PARD3B: variants seen among roughly 807,000 people sequenced by gnomAD.
The protein encoded by PARD3B is partitioning defective 3 homolog B.
PARD3B carries 103 observed loss-of-function variants against 130.2 expected under a neutral mutation model. The observed-to-expected ratio is 0.79, with a 90% CI of 0.67 to 0.93. PARD3B has a LOEUF of 0.93. Ranked by LOEUF, PARD3B falls within the 40% of genes least tolerant of loss-of-function variation. The pLI is 0.00. For missense variants in PARD3B, 1,609 were observed against 1,499.2 expected (o/e 1.07, Z -1.21); for synonymous variants, 583 against 553.2 (o/e 1.05, Z -0.76).
At chr2:204,628,720 A>G (rs971657935) in intron 1 of PARD3B, among the ~76,000 whole-genome samples, 1 of 152,164 alleles carries the variant, frequency 6.6e-6, no homozygotes, top group African/African-American at 2.4e-5. Flanking sequence ...TTTTTAGGCT[A>G]CTAAGATCAT....
At chr2:204,658,362 T>C (rs2125179030) in intron 1 of PARD3B, among the ~76,000 whole-genome samples, 1 of 152,268 alleles carries the variant, frequency 6.6e-6, no homozygotes, top group Middle Eastern at 3.4e-3. Flanking sequence ...CTTTTCACCT[T>C]ATTGGATTCT....
intron 2 of PARD3B, among the ~76,000 whole-genome samples, chr2:204,710,195 A>G (rs1331419606): frequency 6.6e-6 from 1 of 152,184 alleles, no homozygotes; most frequent in East Asian, 1.9e-4. Flanking sequence ...TATATTTGGG[A>G]AGACATTGTC....
chr2:204,586,474 C>T (rs1198710169), intron 1 of PARD3B, among the ~76,000 whole-genome samples: 8 of 152,140 alleles, frequency 5.3e-5, no homozygotes, highest in Non-Finnish European at 1.0e-4. Flanking sequence ...TAAATGTTGC[C>T]GAAGGCTACC....
At chr2:204,830,791 C>A (rs1291436829) in intron 2 of PARD3B, among the ~76,000 whole-genome samples, 2 of 152,142 alleles carry the variant, frequency 1.3e-5, no homozygotes, top group African/African-American at 4.8e-5. Flanking sequence ...GAATAGAAGA[C>A]CATGGGTACT....
chr2:205,173,605 C>T (rs181799674), intron 12 of PARD3B, among the ~76,000 whole-genome samples: 23 of 152,236 alleles, frequency 1.5e-4, no homozygotes, highest in African/African-American at 4.6e-4. Context: ...TTATCAGCTA[C>T]GGGCAAGGAG....
Position 204,545,912 on chromosome 2 carries a change from C to CA in PARD3B, c.-88_-87insA. On this transcript the variant is annotated 5_prime_UTR_variant, in exon 1 of 23. Transcript: ENST00000406610. ...GGCGCCCCGGGTCTCTGGGCCCACC[C>CA]GCCCCGGGCGTCCTCCGAGAGTGGG... 1 of 1,392,850 alleles carries CA rather than the reference C, an allele frequency of 7.2e-7. No homozygotes were observed. Among genetic ancestry groups the CA allele is most frequent in the Non-Finnish European group, 9.4e-7 (1 of 1,068,452 alleles). The allele number at this position is 1,392,850 out of a possible 1,614,324, so 86.3% of individuals were successfully genotyped here.
chr2:205,210,452 A>G (rs2037567506), intron 15 of PARD3B, among the ~76,000 whole-genome samples: 1 of 152,150 alleles, frequency 6.6e-6, no homozygotes, highest in South Asian at 2.1e-4. Context: ...GAATAAATGT[A>G]GCGTGATTCA....
Position 205,078,149 on chromosome 2 carries a change from T to C in PARD3B, c.505-26277T>C, listed in dbSNP as rs1701189346. ...TATGTAATTAAGAGTGAGATATAGT[T>C]TATTTATGAAAAGGTGCTTTTGTGT... is the stretch of plus-strand genomic sequence containing the variant. On this transcript the variant is annotated intron_variant, in intron 4 of 22. Coordinates refer to ENST00000406610, the MANE Select transcript of PARD3B (RefSeq NM_001302769.2). This position sits in a 1 kb window ranked among gnomAD's most constrained non-coding sequence, Gnocchi z 4.0. 1.3e-5 allele frequency among the ~76,000 whole-genome samples: 2 copies of C among 152,172 alleles called. No homozygotes were observed. The highest frequency in any genetic ancestry group is 3.9e-4 in the East Asian group (2 of 5,192).
rs189448601 is a variant in PARD3B at position 205,406,713 on chromosome 2, C to T, written c.2741+5590C>T. ...TAAAGACAGAGTCTCACTCTGTCAC[C>T]AGGCTAGAGTGCAGTGGCATGATCT... is the stretch of plus-strand genomic sequence containing the variant. On this transcript the variant is annotated intron_variant, in intron 19 of 22. Coordinates refer to ENST00000406610, the MANE Select transcript of PARD3B (RefSeq NM_001302769.2). 9.6e-3 allele frequency among the ~76,000 whole-genome samples: 1,342 copies of T among 140,164 alleles called. 17 individuals carry two copies. The highest frequency in any genetic ancestry group is 0.013 in the Non-Finnish European group (832 of 66,430). 92.0% of individuals were successfully genotyped at this position (140,164 alleles called of 152,430 possible).
intron 11 of PARD3B, among the ~76,000 whole-genome samples, chr2:205,169,596 G>T (rs17188611): frequency 0.17 from 25,636 of 151,976 alleles, 2,297 homozygotes; most frequent in Middle Eastern, 0.23. Flanking sequence ...CATCTCTAGA[G>T]GTTCCCATAA....
At chr2:205,496,157 A>T (rs1303485658) in intron 20 of PARD3B, among the ~76,000 whole-genome samples, 1 of 152,214 alleles carries the variant, frequency 6.6e-6, no homozygotes, top group South Asian at 2.1e-4. Flanking sequence ...ACAAAGGTGT[A>T]TGTCCCTCTA....
chr2:204,976,425 G>C (rs1044623233), intron 3 of PARD3B, among the ~76,000 whole-genome samples: 3 of 151,904 alleles, frequency 2.0e-5, no homozygotes, highest in African/African-American at 7.3e-5. Context: ...TGACCTAATT[G>C]GATAGTCGCA....
At chr2:205,378,431 CAAGT>C (rs2045159259) in intron 18 of PARD3B, among the ~76,000 whole-genome samples, 1 of 152,056 alleles carries the variant, frequency 6.6e-6, no homozygotes, top group Non-Finnish European at 1.5e-5. Context: ...AAGAAAGTTT[CAAGT>C]AAGTGTCATT....
At chr2:205,084,376 A>G (rs1701617298) in intron 4 of PARD3B, among the ~76,000 whole-genome samples, 1 of 152,084 alleles carries the variant, frequency 6.6e-6, no homozygotes, top group Non-Finnish European at 1.5e-5. Flanking sequence ...TAATTCTTTC[A>G]GCAAGAATAT....
At chr2:204,574,704 C>T (rs1002510885) in intron 1 of PARD3B, among the ~76,000 whole-genome samples, 14 of 152,326 alleles carry the variant, frequency 9.2e-5, no homozygotes, top group East Asian at 3.9e-4. Context: ...AATGAGGTCA[C>T]ATTTCTGAAC....
At chr2:205,221,633 G>A (rs183137494) in intron 15 of PARD3B, among the ~76,000 whole-genome samples, 1 of 152,070 alleles carries the variant, frequency 6.6e-6, no homozygotes, top group East Asian at 1.9e-4. Flanking sequence ...TTTCAATCAC[G>A]AGGCCACACA....
intron 2 of PARD3B, among the ~76,000 whole-genome samples, chr2:204,741,506 C>A (rs1349890412): frequency 6.6e-6 from 1 of 152,080 alleles, no homozygotes; most frequent in Non-Finnish European, 1.5e-5. Flanking sequence ...GTTCATAATT[C>A]AGTATTTCCT....
At chr2:204,853,028 ATTAG>A (rs1280898204) in intron 2 of PARD3B, among the ~76,000 whole-genome samples, 1 of 152,156 alleles carries the variant, frequency 6.6e-6, no homozygotes, top group Non-Finnish European at 1.5e-5. Flanking sequence ...GGATTGTTTA[ATTAG>A]TTATCAAAAT....
chr2:205,056,048 C>T (rs1430478628), intron 4 of PARD3B, among the ~76,000 whole-genome samples: 1 of 152,028 alleles, frequency 6.6e-6, no homozygotes, highest in Non-Finnish European at 1.5e-5. Flanking sequence ...CTGTATGTAC[C>T]TTCCAAATTG....
Sources: allele counts gnomAD v4.1 joint callset (sites outside exome capture counted in the v4.1 genomes callset), GRCh38; gene constraint gnomAD v4.1.1; non-coding constraint Gnocchi (gnomAD v3.1); transcripts MANE v1.5; gene names NCBI Gene and HGNC (gene_info 2026-07-23, HGNC 2026-07-21).